SPATA6L: variants seen among roughly 807,000 people sequenced by gnomAD.
The protein encoded by SPATA6L is spermatogenesis associated 6 like, also known as spermatogenesis associated 6-like protein.
Under a neutral mutation model 49.2 loss-of-function variants are expected in SPATA6L, and 68 were observed. That is an observed-to-expected ratio of 1.38 (90% CI 1.14 to 1.69). SPATA6L has a LOEUF of 1.69. Ranked by LOEUF, SPATA6L falls within the 40% of genes most tolerant of loss-of-function variation. The pLI is 0.00. For missense variants in SPATA6L, 668 were observed against 464.3 expected (o/e 1.44, Z -4.03); for synonymous variants, 198 against 165.7 (o/e 1.19, Z -1.50).
At chr9:4,604,702 T>G (rs301452) in intron 10 of SPATA6L, among the ~76,000 whole-genome samples, 4 of 152,220 alleles carry the variant, frequency 2.6e-5, no homozygotes, top group Non-Finnish European at 5.9e-5. Flanking sequence ...CTAGCATATG[T>G]CAGTATATAA....
intron 7 of SPATA6L, among the ~76,000 whole-genome samples, chr9:4,621,942 T>C (rs1262255074): frequency 6.6e-6 from 1 of 152,224 alleles, no homozygotes; most frequent in Non-Finnish European, 1.5e-5. Context: ...ACACTTTGCC[T>C]TCATCTAACT....
chr9:4,640,959 T>C (rs16921702), intron 3 of SPATA6L, among the ~76,000 whole-genome samples: 18,430 of 152,202 alleles, frequency 0.12, 1,567 homozygotes, highest in African/African-American at 0.23. Context: ...TTGCAACCTT[T>C]TCACAGATGG....
intron 5 of SPATA6L, chr9:4,626,803 A>T (rs1830433522): frequency 4.4e-6 from 1 of 228,648 alleles, no homozygotes; most frequent in South Asian, 6.3e-5. Flanking sequence ...AAGCCATGAA[A>T]AATTGTCTGG....
rs1438127334 is a variant in SPATA6L, at chr9:4,662,237, C to T, written c.40-201G>A. ...AAATTCCAACTCCCTCCCACGTCTC[C>T]ACCAGGTGTCACAATCGCGCTCTCG... On this transcript the variant is annotated intron_variant, in intron 1 of 11. Coordinates refer to ENST00000682582, the MANE Select transcript of SPATA6L (RefSeq NM_001353486.2). The surrounding 1 kb of genome is among the most constrained non-coding windows in gnomAD (Gnocchi z 4.9). The T allele has an allele frequency of 3.4e-5, 49 of 1,434,794 alleles. No homozygotes were observed. Among genetic ancestry groups the T allele is most frequent in the Non-Finnish European group, 4.5e-5 (49 of 1,099,908 alleles). 88.9% of individuals were successfully genotyped at this position (1,434,794 alleles called of 1,614,324 possible).
At chr9:4,655,079 A>C (rs1369485432) in intron 3 of SPATA6L, among the ~76,000 whole-genome samples, 1 of 152,230 alleles carries the variant, frequency 6.6e-6, no homozygotes, top group Admixed American at 6.5e-5. Flanking sequence ...ATGTTCACAC[A>C]AAAACTTATA....
chr9:4,655,984 C>G, intron 3 of SPATA6L, 57 bp downstream of exon 3: 8 of 1,331,438 alleles, frequency 6.0e-6, no homozygotes, highest in Non-Finnish European at 7.4e-6. Flanking sequence ...AGTTTTGAAT[C>G]TGTGAATTAC....
chr9:4,648,919 A>G (rs943711460), intron 3 of SPATA6L, among the ~76,000 whole-genome samples: 1 of 152,100 alleles, frequency 6.6e-6, no homozygotes, highest in Non-Finnish European at 1.5e-5. Flanking sequence ...GAGTGAGAAT[A>G]TACGATGTTT....
In SPATA6L at chr9:4,604,173, C is replaced by T. The variant is rs1824107712; in HGVS notation, c.*1+6G>A. The T allele has an allele frequency of 1.3e-6, 2 of 1,598,176 alleles. No homozygotes were observed. Among genetic ancestry groups the T allele is most frequent in the African/African-American group, 2.7e-5 (2 of 74,618 alleles). ...ACTTAAGCTGCTTACTTACATAAGA[C>T]AGTACCTTAAAAATATCTCTGTTCA... On this transcript the variant is annotated splice_donor_region_variant and intron_variant, in intron 11 of 11. Transcript: ENST00000682582.
intron 2 of SPATA6L, 120 bp downstream of exon 2, chr9:4,661,779 G>A (rs1839831493): frequency 7.4e-7 from 1 of 1,355,764 alleles, no homozygotes; most frequent in Non-Finnish European, 1.0e-6. Flanking sequence ...GTGCTGAAGT[G>A]CTTTCGGATA....
intron 3 of SPATA6L, among the ~76,000 whole-genome samples, chr9:4,650,004 A>C (rs1385532606): frequency 2.0e-5 from 3 of 152,240 alleles, no homozygotes; most frequent in African/African-American, 7.2e-5. Context: ...AAATGCAGGA[A>C]ATCAACTTGG....
Position 4,662,756 on chromosome 9 carries a change from G to A in SPATA6L, c.40-720C>T, listed in dbSNP as rs901594410. On this transcript the variant is annotated intron_variant, in intron 1 of 11. Coordinates refer to ENST00000682582, the MANE Select transcript of SPATA6L (RefSeq NM_001353486.2). This position sits in a 1 kb window ranked among gnomAD's most constrained non-coding sequence, Gnocchi z 4.9. Reference sequence around the variant, plus strand: ...TGTGCGCGGGAGAGAGCTCGTCGTGGGGCAGCGTGCGACCCCTTATGAAGC... The same window carrying A: ...TGTGCGCGGGAGAGAGCTCGTCGTGAGGCAGCGTGCGACCCCTTATGAAGC... 4 of 1,604,188 alleles carry A rather than the reference G, an allele frequency of 2.5e-6. No individual in the cohort carries two copies. Among genetic ancestry groups the A allele is most frequent in the Non-Finnish European group, 3.4e-6 (4 of 1,179,946 alleles).
intron 3 of SPATA6L, among the ~76,000 whole-genome samples, chr9:4,652,841 CAAAAAAAAAAAA>C (rs79392745): frequency 1.8e-5 from 1 of 56,554 alleles, no homozygotes; most frequent in African/African-American, 5.5e-5. Context: ...AATTCCGTCC[CAAAAAAAAAAAA>C]AAAAAAGGAA....
intron 4 of SPATA6L, among the ~76,000 whole-genome samples, chr9:4,630,325 C>A (rs1831267749): frequency 6.6e-6 from 1 of 151,970 alleles, no homozygotes; most frequent in Non-Finnish European, 1.5e-5. Flanking sequence ...CTGCTTTCCC[C>A]AAAAAACAGG....
intron 11 of SPATA6L, among the ~76,000 whole-genome samples, chr9:4,602,412 T>C (rs1323909228): frequency 6.6e-6 from 1 of 152,142 alleles, no homozygotes; most frequent in Admixed American, 6.5e-5. Flanking sequence ...AATGGGCCAT[T>C]ACTGAGCTGT....
downstream of SPATA6L, among the ~76,000 whole-genome samples, chr9:4,597,873 G>A (rs562765639): frequency 8.5e-5 from 13 of 152,266 alleles, 1 homozygote; most frequent in East Asian, 2.3e-3. Context: ...TGTTCCTCAG[G>A]CTGCCCTCCA....
At chr9:4,635,027 C>G (rs1033232651) in intron 4 of SPATA6L, among the ~76,000 whole-genome samples, 2 of 152,160 alleles carry the variant, frequency 1.3e-5, no homozygotes, top group African/African-American at 4.8e-5. Context: ...CAAAAGGAGG[C>G]TTTTATAACT....
intron 4 of SPATA6L, among the ~76,000 whole-genome samples, chr9:4,631,801 G>A (rs1197185283): frequency 6.6e-6 from 1 of 152,118 alleles, no homozygotes; most frequent in African/African-American, 2.4e-5. Context: ...CAGTGAGTAA[G>A]AGTGCAGGCT....
At position 4,662,517 on chromosome 9, in the gene SPATA6L, G is replaced by A; in HGVS notation, c.40-481C>T. 1 of 1,560,314 alleles carries A rather than the reference G, an allele frequency of 6.4e-7. No homozygotes were observed. The highest frequency in any genetic ancestry group is 1.2e-5 in the South Asian group (1 of 85,096). On this transcript the variant is annotated intron_variant, in intron 1 of 11. Transcript: ENST00000682582. The surrounding 1 kb of genome is among the most constrained non-coding windows in gnomAD (Gnocchi z 4.9). ...GTTCCAGTCCCTGCTCAGCAGCCGC[G>A]CCACGGCCGTGGACCCCACCTGCGC...
rs761002928 is a variant in SPATA6L, at chr9:4,600,292, A to G, written c.*519T>C. On this transcript the variant is annotated 3_prime_UTR_variant, in exon 12 of 12. Coordinates refer to ENST00000682582, the MANE Select transcript of SPATA6L (RefSeq NM_001353486.2). ...CCCAGACGTAATGCTCTCTTTTCCA[A>G]GGTTTTTAGTGGACTTCACGTAAAT... Among the ~76,000 whole-genome samples, 9 of 152,142 alleles carry G rather than the reference A, an allele frequency of 5.9e-5. No homozygotes were observed. Among genetic ancestry groups the G allele is most frequent in the Middle Eastern group, 3.2e-3 (1 of 316 alleles).
Sources: gnomAD v4.1 joint callset for allele counts (sites outside exome capture counted in the v4.1 genomes callset) on GRCh38, gnomAD v4.1.1 for gene constraint, Gnocchi (gnomAD v3.1) non-coding constraint, MANE v1.5 for transcripts, NCBI Gene and HGNC (gene_info 2026-07-23, HGNC 2026-07-21) for gene names.